The following KLF12 variants were observed in gnomAD, a reference collection of about 807,000 sequenced individuals.
The protein encoded by KLF12 is Krueppel-like factor 12.
KLF12 carries 9 observed loss-of-function variants against 37.8 expected under a neutral mutation model. That is an observed-to-expected ratio of 0.24 (90% CI 0.14 to 0.42). The LOEUF is 0.42. Among genes scored for constraint, KLF12 ranks in the 10% least tolerant of loss-of-function variants. KLF12 has a pLI of 1.00. For missense variants in KLF12, 411 were observed against 516.0 expected, an observed-to-expected ratio of 0.80 and a Z score of 1.97; for synonymous variants, 208 against 202.1, an observed-to-expected ratio of 1.03 and a Z score of -0.25.
At chr13:74,099,516 T>C (rs1353559887) in intron 1 of KLF12, among the ~76,000 whole-genome samples, 1 of 152,196 alleles carries the variant, frequency 6.6e-6, no homozygotes, top group Non-Finnish European at 1.5e-5. Flanking sequence ...TTCTCTTAGA[T>C]TCTGCAACTC....
intron 3 of KLF12, among the ~76,000 whole-genome samples, chr13:73,927,251 A>G (rs1014214005): frequency 1.3e-5 from 2 of 152,224 alleles, no homozygotes; most frequent in Admixed American, 6.5e-5. Context: ...GGGAGAGCCC[A>G]GAGGCTTCTC....
At chr13:73,921,719 T>C (rs965886707) in intron 3 of KLF12, among the ~76,000 whole-genome samples, 7 of 152,332 alleles carry the variant, frequency 4.6e-5, no homozygotes, top group African/African-American at 1.4e-4. Context: ...AATTCAAGTA[T>C]GTTAAGAAGT....
the KLF12 span, among the ~76,000 whole-genome samples, chr13:74,183,526 T>G: frequency 2.0e-5 from 3 of 152,222 alleles, no homozygotes. Flanking sequence ...GAATTTTTTT[T>G]TCTGGTTATG....
intron 5 of KLF12, among the ~76,000 whole-genome samples, chr13:73,791,167 T>G (rs1160865543): frequency 3.9e-5 from 6 of 152,236 alleles, no homozygotes; most frequent in Non-Finnish European, 8.8e-5. Flanking sequence ...ATGATAGAAA[T>G]TAAAGTATAT....
intron 1 of KLF12, among the ~76,000 whole-genome samples, chr13:74,058,332 G>T (rs1219186764): frequency 6.8e-6 from 1 of 147,826 alleles, no homozygotes; most frequent in Non-Finnish European, 1.5e-5. Flanking sequence ...GGGTGTGAAG[G>T]AATTTATCTC....
intron 2 of KLF12, among the ~76,000 whole-genome samples, chr13:73,994,293 G>A (rs933175246): frequency 2.6e-5 from 4 of 152,182 alleles, no homozygotes; most frequent in African/African-American, 9.6e-5. Flanking sequence ...GCTTCTGTAT[G>A]AGACCTGTTC....
chr13:74,094,562 T>C (rs1875866201), intron 1 of KLF12, among the ~76,000 whole-genome samples: 2 of 151,742 alleles, frequency 1.3e-5, no homozygotes, highest in Admixed American at 1.3e-4. Flanking sequence ...AGGTAGTAAA[T>C]GCCTTTCCAC....
At chr13:73,958,208 A>C (rs1157768419) in intron 2 of KLF12, among the ~76,000 whole-genome samples, 1 of 152,082 alleles carries the variant, frequency 6.6e-6, no homozygotes, top group Non-Finnish European at 1.5e-5. Context: ...TTACATGTTG[A>C]ATGGTATTTT....
chr13:74,171,982 A>G, the KLF12 span, among the ~76,000 whole-genome samples: 1 of 152,222 alleles, frequency 6.6e-6, no homozygotes, highest in South Asian at 2.1e-4. Context: ...CACCATTCTA[A>G]TGAGGCTAAG....
intron 1 of KLF12, among the ~76,000 whole-genome samples, chr13:74,034,251 T>C (rs1306873869): frequency 6.6e-6 from 1 of 151,918 alleles, no homozygotes; most frequent in Non-Finnish European, 1.5e-5. Context: ...TTTTTTTTAG[T>C]AGAGATGGGT....
intron 1 of KLF12, among the ~76,000 whole-genome samples, chr13:74,001,250 G>C (rs1892273960): frequency 6.6e-6 from 1 of 152,182 alleles, no homozygotes. Flanking sequence ...CTGGTGGAAG[G>C]AAGGGAAGAA....
At chr13:74,259,969 A>C in the KLF12 span, 1 of 152,222 alleles carries the variant, frequency 6.6e-6, no homozygotes, top group African/African-American at 2.4e-5. Flanking sequence ...GGGGCTGATT[A>C]ACATTTTAAC....
chr13:73,732,870 C>A (rs912409708), intron 6 of KLF12, among the ~76,000 whole-genome samples: 2 of 152,086 alleles, frequency 1.3e-5, no homozygotes, highest in Non-Finnish European at 2.9e-5. Flanking sequence ...TGCTTTTCCC[C>A]AAACCCACTC....
intron 1 of KLF12, among the ~76,000 whole-genome samples, chr13:74,083,531 C>CAA (rs1361738634): frequency 2.7e-5 from 4 of 149,744 alleles, no homozygotes; most frequent in African/African-American, 9.8e-5. Flanking sequence ...CACACACACA[C>CAA]ACACACACAA....
In KLF12 at chr13:74,039,684, G is replaced by A. The variant is rs142129105; in HGVS notation, c.-31-44631C>T. Among the ~76,000 whole-genome samples the A allele has an allele frequency of 1.0e-2, 1,519 of 152,230 alleles. 20 individuals carry two copies. Among genetic ancestry groups the A allele is most frequent in the African/African-American group, 0.03 (1,250 of 41,542 alleles). On this transcript the variant is annotated intron_variant, in intron 1 of 7. Transcript: ENST00000377669. ...TGGACAGTACTTCTGGAAATAGGGG[G>A]AAATAAAAAATGAAATATCAATGTT...
intron 1 of KLF12, 59 bp from the exon 2 acceptor site, chr13:73,995,112 C>T (rs190507944): frequency 2.0e-5 from 23 of 1,129,372 alleles, no homozygotes; most frequent in African/African-American, 6.2e-5. Context: ...GATGTTATTG[C>T]TCCTTTGGGG....
chr13:74,243,785 G>T, the KLF12 span, among the ~76,000 whole-genome samples: 1 of 152,130 alleles, frequency 6.6e-6, no homozygotes, highest in Admixed American at 6.5e-5. Context: ...CCTGGGTTTT[G>T]AAATGCAGTT....
intron 1 of KLF12, among the ~76,000 whole-genome samples, chr13:74,117,453 G>T (rs1468438659): frequency 6.7e-6 from 1 of 149,874 alleles, no homozygotes; most frequent in Non-Finnish European, 1.5e-5. Flanking sequence ...ATATACGCAT[G>T]TACCCATGCC....
chr13:73,957,203 A>G (rs976352545), intron 2 of KLF12, among the ~76,000 whole-genome samples: 3 of 73,058 alleles, frequency 4.1e-5, no homozygotes, highest in African/African-American at 1.1e-4. Context: ...TTGAAAGAAA[A>G]TAACACCTGA....
Sources: gnomAD v4.1 joint callset for allele counts (sites outside exome capture counted in the v4.1 genomes callset) on GRCh38, gnomAD v4.1.1 for gene constraint, MANE v1.5 for transcripts, NCBI Gene and HGNC (gene_info 2026-07-23, HGNC 2026-07-21) for gene names.